AUTS2: variants seen among roughly 807,000 people sequenced by gnomAD.
AUTS2 encodes the protein autism susceptibility gene 2 protein.
In AUTS2, 17 loss-of-function variants were observed where a neutral mutation model predicts 112.4. That is an observed-to-expected ratio of 0.15 (90% confidence interval 0.10 to 0.23). AUTS2 has a LOEUF of 0.23. Ranked by LOEUF, AUTS2 falls within the 10% of genes least tolerant of loss-of-function variation. AUTS2 has a pLI of 1.00. For synonymous variants in AUTS2, 751 were observed against 702.7 expected (o/e 1.07, Z -1.09); for missense variants, 1,510 against 1,701.6 (o/e 0.89, Z 1.98).
At chr7:69,963,257 C>G (rs185718015) in intron 2 of AUTS2, among the ~76,000 whole-genome samples, 2 of 152,148 alleles carry the variant, frequency 1.3e-5, no homozygotes, top group Admixed American at 6.6e-5. Flanking sequence ...TGTTATATCT[C>G]TGTGTGTGTT....
chr7:70,318,542 C>G (rs368085385), intron 4 of AUTS2, among the ~76,000 whole-genome samples: 2 of 152,094 alleles, frequency 1.3e-5, no homozygotes, highest in Admixed American at 6.6e-5. Context: ...GCTGTCATAT[C>G]AGGTTGATTG....
At chr7:70,636,473 G>A (rs1021549005) in intron 5 of AUTS2, among the ~76,000 whole-genome samples, 2 of 152,226 alleles carry the variant, frequency 1.3e-5, no homozygotes, top group South Asian at 4.1e-4. Flanking sequence ...GGTGGAAACC[G>A]TAGGTATCAG....
intron 4 of AUTS2, among the ~76,000 whole-genome samples, chr7:70,355,105 GGT>G (rs375728125): frequency 2.9e-4 from 40 of 138,220 alleles, no homozygotes; most frequent in South Asian, 4.5e-4. Context: ...TGTATGTATG[GGT>G]GTGTGTGTGT....
intron 5 of AUTS2, among the ~76,000 whole-genome samples, chr7:70,547,139 C>T (rs1166060875): frequency 6.6e-6 from 1 of 152,134 alleles, no homozygotes; most frequent in Admixed American, 6.5e-5. Context: ...ATCCCTCATG[C>T]CCATTTGCAG....
At chr7:69,888,116 C>T (rs1368348538) in intron 1 of AUTS2, among the ~76,000 whole-genome samples, 1 of 151,758 alleles carries the variant, frequency 6.6e-6, no homozygotes, top group Non-Finnish European at 1.5e-5. Flanking sequence ...TAGAGACCAA[C>T]CTGAGAAACA....
At chr7:69,953,692 G>A (rs1042985172) in intron 2 of AUTS2, among the ~76,000 whole-genome samples, 5 of 152,148 alleles carry the variant, frequency 3.3e-5, no homozygotes, top group African/African-American at 4.8e-5. Context: ...TACATAAGCC[G>A]TTAGAAATTC....
chr7:70,564,173 A>G (rs1042508975), intron 5 of AUTS2, among the ~76,000 whole-genome samples: 4 of 152,224 alleles, frequency 2.6e-5, no homozygotes, highest in Admixed American at 2.0e-4. Context: ...TTCTATTACA[A>G]TCATGTAATT....
intron 1 of AUTS2, among the ~76,000 whole-genome samples, chr7:69,652,178 A>G (rs190285733): frequency 2.6e-4 from 39 of 152,116 alleles, no homozygotes; most frequent in African/African-American, 7.5e-4. Flanking sequence ...TATACTCTCT[A>G]TGGTGGGCTC....
chr7:70,680,484 A>T (rs564688372), intron 5 of AUTS2, among the ~76,000 whole-genome samples: 13 of 152,204 alleles, frequency 8.5e-5, no homozygotes, highest in Non-Finnish European at 1.9e-4. Context: ...TCTAAAACTC[A>T]TCAGAGTTGG....
chr7:70,558,412 G>T (rs1288107860), intron 5 of AUTS2, among the ~76,000 whole-genome samples: 1 of 152,132 alleles, frequency 6.6e-6, no homozygotes, highest in Admixed American at 6.5e-5. Flanking sequence ...TCCATGAAGG[G>T]GCACCTAGAG....
At chr7:70,268,294 C>G (rs1012463565) in intron 4 of AUTS2, among the ~76,000 whole-genome samples, 1 of 152,116 alleles carries the variant, frequency 6.6e-6, no homozygotes, top group African/African-American at 2.4e-5. Flanking sequence ...GACTAGGAGT[C>G]TAGGGAAGGG....
At chr7:70,640,361 C>T (rs890483058) in intron 5 of AUTS2, among the ~76,000 whole-genome samples, 1 of 141,382 alleles carries the variant, frequency 7.1e-6, no homozygotes, top group Admixed American at 7.6e-5. Flanking sequence ...AGTTAGAGCC[C>T]CAACACTTGA....
chr7:70,386,463 A>C (rs1398587800), intron 4 of AUTS2, among the ~76,000 whole-genome samples: 1 of 152,118 alleles, frequency 6.6e-6, no homozygotes, highest in Non-Finnish European at 1.5e-5. Context: ...TACAACCATC[A>C]CCACTATCTA....
intron 2 of AUTS2, among the ~76,000 whole-genome samples, chr7:70,014,137 T>C (rs12698835): frequency 0.25 from 38,492 of 152,132 alleles, 4,841 homozygotes; most frequent in Middle Eastern, 0.33. Context: ...AAAGTAACTA[T>C]AAAAATGAGT....
At chr7:70,302,209 G>A (rs564096408) in intron 4 of AUTS2, among the ~76,000 whole-genome samples, 18 of 152,202 alleles carry the variant, frequency 1.2e-4, no homozygotes, top group South Asian at 4.1e-4. Flanking sequence ...TGAGGAGTTC[G>A]AGACTAGCCT....
intron 1 of AUTS2, among the ~76,000 whole-genome samples, chr7:69,880,304 G>A (rs1000236655): frequency 1.3e-5 from 2 of 152,108 alleles, no homozygotes; most frequent in East Asian, 3.8e-4. Context: ...TCCAATACTG[G>A]GGATTACAAT....
At position 70,043,586 on chromosome 7, in the gene AUTS2, TTCCTTCCTTCCTTCCTTCC is replaced by T. The variant is rs1460158861; in HGVS notation, c.523-74544_523-74526del. Among the ~76,000 whole-genome samples, 115 of 118,864 alleles carry T rather than the reference TTCCTTCCTTCCTTCCTTCC, an allele frequency of 9.7e-4. 3 individuals carry two copies. The highest frequency in any genetic ancestry group is 3.6e-3 in the East Asian group (15 of 4,156). 78.0% of individuals were successfully genotyped at this position (118,864 alleles called of 152,430 possible). ...CTTCCTTCCTTCCTTCCTTCCTTCC[TTCCTTCCTTCCTTCCTTCC>T]TTTTTTTTTTTTTTTTATTTTTGGT... On this transcript the variant is annotated intron_variant, in intron 2 of 18. Transcript: ENST00000342771.
At chr7:69,620,573 C>A (rs1277487130) in intron 1 of AUTS2, among the ~76,000 whole-genome samples, 2 of 152,150 alleles carry the variant, frequency 1.3e-5, no homozygotes, top group African/African-American at 4.8e-5. Flanking sequence ...GGATTACCAT[C>A]TTCATCAGAT....
chr7:69,925,687 T>C (rs1196264709), intron 2 of AUTS2, among the ~76,000 whole-genome samples: 1 of 152,192 alleles, frequency 6.6e-6, no homozygotes. Context: ...CAGCCTGGCT[T>C]TTAAAAATCT....
Sources: gnomAD v4.1 joint callset for allele counts (sites outside exome capture counted in the v4.1 genomes callset) on GRCh38, gnomAD v4.1.1 for gene constraint, MANE v1.5 for transcripts, NCBI Gene and HGNC (gene_info 2026-07-23, HGNC 2026-07-21) for gene names.